Variants in CYP7B1 observed in about 807,000 individuals in gnomAD.
CYP7B1 encodes the protein cytochrome P450 7B1.
CYP7B1 carries 29 observed loss-of-function variants against 42.7 expected under a neutral mutation model. The observed-to-expected ratio is 0.68, with a 90% CI of 0.51 to 0.93. CYP7B1 has a LOEUF of 0.93. Ranked by LOEUF, CYP7B1 falls within the 40% of genes least tolerant of loss-of-function variation. The pLI is 0.00. For synonymous variants in CYP7B1, 235 were observed against 218.2 expected, an observed-to-expected ratio of 1.08 and a Z score of -0.68; for missense variants, 655 against 600.5, an observed-to-expected ratio of 1.09 and a Z score of -0.95.
intron 1 of CYP7B1, among the ~76,000 whole-genome samples, chr8:64,672,558 A>C (rs1175720832): frequency 1.3e-5 from 2 of 152,018 alleles, no homozygotes; most frequent in Non-Finnish European, 2.9e-5. Context: ...TTCCTATCTG[A>C]TGTGTGTGTA....
intron 5 of CYP7B1, among the ~76,000 whole-genome samples, chr8:64,599,423 C>T (rs991946579): frequency 1.3e-5 from 2 of 152,088 alleles, no homozygotes; most frequent in Admixed American, 6.5e-5. Flanking sequence ...CTCCTGACCT[C>T]GTGATCCGCC....
At chr8:64,705,301 A>G (rs748554504) in intron 1 of CYP7B1, among the ~76,000 whole-genome samples, 9 of 151,996 alleles carry the variant, frequency 5.9e-5, no homozygotes, top group Non-Finnish European at 1.0e-4. Context: ...AGCCGTGATT[A>G]GAATTTAAGT....
At chr8:64,737,737 G>T (rs546088198) in intron 1 of CYP7B1, among the ~76,000 whole-genome samples, 2 of 152,182 alleles carry the variant, frequency 1.3e-5, no homozygotes, top group East Asian at 3.9e-4. Flanking sequence ...CAGAATTTCA[G>T]GTTTGCTGAC....
At chr8:64,643,023 T>C (rs987534106) in intron 1 of CYP7B1, among the ~76,000 whole-genome samples, 1 of 151,336 alleles carries the variant, frequency 6.6e-6, no homozygotes, top group Non-Finnish European at 1.5e-5. Flanking sequence ...CATATGGCCA[T>C]ACAGTTTTGT....
intron 1 of CYP7B1, among the ~76,000 whole-genome samples, chr8:64,652,381 A>G (rs1251510462): frequency 6.6e-6 from 1 of 152,218 alleles, no homozygotes; most frequent in African/African-American, 2.4e-5. Context: ...CATTCTTCTC[A>G]TCACCACATG....
chr8:64,628,744 A>C (rs1247899797), intron 1 of CYP7B1, among the ~76,000 whole-genome samples: 2 of 152,190 alleles, frequency 1.3e-5, no homozygotes, highest in African/African-American at 4.8e-5. Context: ...ATGGATGTAA[A>C]GTGTAAAGAG....
At position 64,596,508 on chromosome 8, in the gene CYP7B1, A is replaced by G. The variant is rs1805118485; in HGVS notation, c.*134T>C. On this transcript the variant is annotated 3_prime_UTR_variant, in exon 6 of 6. Transcript: ENST00000310193. ...TTGTGACTAAGGACAAACTGGACTG[A>G]TATCAGATCAAATAGAAATTAGCGC... is the stretch of plus-strand genomic sequence containing the variant. The G allele has an allele frequency of 2.2e-6, 2 of 892,686 alleles. No individual in the cohort carries two copies. The highest frequency in any genetic ancestry group is 5.4e-5 in the East Asian group (2 of 37,364). The allele number at this position is 892,686 out of a possible 1,614,324, so 55.3% of individuals were successfully genotyped here.
chr8:64,654,269 A>T, intron 1 of CYP7B1, among the ~76,000 whole-genome samples: 1 of 152,216 alleles, frequency 6.6e-6, no homozygotes, highest in East Asian at 1.9e-4. Flanking sequence ...TATCTAGAAA[A>T]CCTTATAGTC....
chr8:64,765,131 A>T (rs1186143684), intron 1 of CYP7B1, among the ~76,000 whole-genome samples: 5 of 152,312 alleles, frequency 3.3e-5, no homozygotes, highest in Admixed American at 3.3e-4. Flanking sequence ...GAAAAAAAAA[A>T]AATCTATACC....
intron 1 of CYP7B1, among the ~76,000 whole-genome samples, chr8:64,648,544 G>A (rs578159284): frequency 1.2e-3 from 180 of 152,238 alleles, no homozygotes; most frequent in African/African-American, 4.0e-3. Flanking sequence ...TAATTTCAGT[G>A]CTTGTTAAGT....
chr8:64,690,719 G>T lies in CYP7B1; in HGVS notation c.123-66180C>A, dbSNP rs188069162. 8.5e-5 allele frequency among the ~76,000 whole-genome samples: 13 copies of T among 152,278 alleles called. No homozygotes were observed. In the East Asian group the frequency reaches 2.5e-3, roughly 29 times the overall value. ...CTATTCAAAAAATATATATAAAATA[G>T]ATTGTGAAACGAGAAAGCATTTTCC... On this transcript the variant is annotated intron_variant, in intron 1 of 5. Transcript: ENST00000310193.
intron 1 of CYP7B1, among the ~76,000 whole-genome samples, chr8:64,652,488 G>A (rs1806054288): frequency 6.6e-6 from 1 of 152,144 alleles, no homozygotes; most frequent in Non-Finnish European, 1.5e-5. Flanking sequence ...TCAGACTACA[G>A]CACAATAAAA....
At chr8:64,762,522 TA>T (rs551830897) in intron 1 of CYP7B1, among the ~76,000 whole-genome samples, 164 of 152,068 alleles carry the variant, frequency 1.1e-3, no homozygotes, top group Non-Finnish European at 1.6e-3. Flanking sequence ...TGCAAATAGG[TA>T]AAAAAAATAG....
At chr8:64,726,677 T>C (rs975714726) in intron 1 of CYP7B1, among the ~76,000 whole-genome samples, 3 of 152,244 alleles carry the variant, frequency 2.0e-5, no homozygotes, top group Non-Finnish European at 2.9e-5. Flanking sequence ...TGTGAGAAGC[T>C]TGTGTGGCCT....
At position 64,691,463 on chromosome 8, in the gene CYP7B1, G is replaced by A. The variant is rs189758962; in HGVS notation, c.123-66924C>T. ...CATATAAACAGGCACCAACATGAAC[G>A]TATGGTTGCGATGGCAACTGGGGGG... On this transcript the variant is annotated intron_variant, in intron 1 of 5. Coordinates refer to ENST00000310193, the MANE Select transcript of CYP7B1 (RefSeq NM_004820.5). Among the ~76,000 whole-genome samples the A allele has an allele frequency of 1.5e-3, 173 of 116,028 alleles. 1 individual carries two copies. In the Middle Eastern group the frequency reaches 0.021, roughly 14 times the overall value. The allele number at this position is 116,028 out of a possible 152,430, so 76.1% of individuals were successfully genotyped here. A position where few individuals can be genotyped will look rare whatever the true frequency, so the allele number is the denominator to read the frequency against.
Position 64,599,975 on chromosome 8 carries a change from T to G in CYP7B1, c.1234-3046A>C, listed in dbSNP as rs183957202. On this transcript the variant is annotated intron_variant, in intron 5 of 5. Coordinates refer to ENST00000310193, the MANE Select transcript of CYP7B1 (RefSeq NM_004820.5). ...TCACATTTTCTTATTTATCTCTGCA[T>G]GTTTAAAGCCTTCAACACAATGCTA... is the stretch of plus-strand genomic sequence containing the variant. Among the ~76,000 whole-genome samples, 30 of 152,360 alleles carry G rather than the reference T, an allele frequency of 2.0e-4. No individual in the cohort carries two copies. In the East Asian group the frequency reaches 5.4e-3, roughly 27 times the overall value.
intron 1 of CYP7B1, among the ~76,000 whole-genome samples, chr8:64,724,304 G>A (rs1326490866): frequency 4.6e-5 from 7 of 151,968 alleles, no homozygotes; most frequent in Non-Finnish European, 5.9e-5. Context: ...GTGCCACCAC[G>A]CCCAGCTAAT....
intron 1 of CYP7B1, among the ~76,000 whole-genome samples, chr8:64,669,934 A>C (rs1485952025): frequency 1.3e-5 from 2 of 152,194 alleles, no homozygotes; most frequent in African/African-American, 4.8e-5. Context: ...TCTAAGCCTT[A>C]CTCTAGACTC....
intron 4 of CYP7B1, among the ~76,000 whole-genome samples, chr8:64,614,656 T>C (rs1329181394): frequency 6.6e-6 from 1 of 152,216 alleles, no homozygotes; most frequent in Non-Finnish European, 1.5e-5. Context: ...GGTGCCTTTT[T>C]TGCAATACTT....
Sources: allele counts gnomAD v4.1 joint callset (sites outside exome capture counted in the v4.1 genomes callset), GRCh38; gene constraint gnomAD v4.1.1; transcripts MANE v1.5; gene names NCBI Gene and HGNC (gene_info 2026-07-23, HGNC 2026-07-21).